OXCT1: variants seen among roughly 807,000 people sequenced by gnomAD.
OXCT1 encodes the protein 3-oxoacid CoA-transferase 1.
OXCT1 carries 27 observed loss-of-function variants against 69.6 expected under a neutral mutation model. That is an observed-to-expected ratio of 0.39 (90% confidence interval 0.29 to 0.54). The LOEUF (loss-of-function observed/expected upper bound fraction) is 0.54, where lower values mean the gene tolerates loss of function less well. Among genes scored for constraint, OXCT1 ranks in the 20% least tolerant of loss-of-function variants. The pLI, the probability that OXCT1 is intolerant of heterozygous loss-of-function variation, is 0.72. For synonymous variants in OXCT1, 202 were observed against 217.8 expected (o/e 0.93, Z 0.64); for missense variants, 437 against 650.2 (o/e 0.67, Z 3.57).
Position 41,870,292 on chromosome 5 carries a change from T to C in OXCT1, c.67A>G (p.Thr23Ala), listed in dbSNP as rs1750229432. ...CCCCCGCACTTTACCTTGTACCAGGTTGCCCCAGATCCGCGGGCAGAGGCG... is the reference window on the plus strand; with the variant it reads ...CCCCCGCACTTTACCTTGTACCAGGCTGCCCCAGATCCGCGGGCAGAGGCG... ...LCASARGSGATWYKGCVCSFS... is the reference protein window; with the variant it reads ...LCASARGSGAAWYKGCVCSFS... The change falls in exon 1 of 17, where the codon ACC becomes GCC. Residue 23 changes from threonine (T) to alanine (A), a missense_variant. Transcript: ENST00000196371. The surrounding 1 kb of genome is among the most constrained non-coding windows in gnomAD (Gnocchi z 4.2). 2 of 1,613,474 alleles carry C rather than the reference T, an allele frequency of 1.2e-6. No homozygotes were observed. Among genetic ancestry groups the C allele is most frequent in the Non-Finnish European group, 8.5e-7 (1 of 1,179,534 alleles).
chr5:41,738,873 A>T (rs1357319202), intron 16 of OXCT1, among the ~76,000 whole-genome samples: 2 of 152,224 alleles, frequency 1.3e-5, no homozygotes, highest in Non-Finnish European at 2.9e-5. Flanking sequence ...CTTATCTTCA[A>T]ATACAGGGCA....
chr5:41,753,037 A>C (rs1221040437), intron 14 of OXCT1, among the ~76,000 whole-genome samples: 1 of 152,118 alleles, frequency 6.6e-6, no homozygotes. Context: ...TAAGTTCTGC[A>C]GTATTAAACA....
In OXCT1 at chr5:41,806,005, T is replaced by A. The variant is rs868087494; in HGVS notation, c.841-324A>T. ...AAATTCTCCTCTGGTGCTCAGGGAT[T>A]GGCCAGAAGAATGAAAGAGGAACAG... On this transcript the variant is annotated intron_variant, in intron 8 of 16. Coordinates refer to ENST00000196371, the MANE Select transcript of OXCT1 (RefSeq NM_000436.4). Among the ~76,000 whole-genome samples the A allele has an allele frequency of 1.6e-4, 24 of 152,216 alleles. 1 individual carries two copies. In the South Asian group the frequency reaches 4.1e-3, roughly 26 times the overall value.
intron 14 of OXCT1, among the ~76,000 whole-genome samples, chr5:41,752,877 T>C (rs1743863973): frequency 6.6e-6 from 1 of 152,116 alleles, no homozygotes; most frequent in Non-Finnish European, 1.5e-5. Flanking sequence ...GCTTCCCTAA[T>C]CTTTCTCTTT....
rs188318214 is a variant in OXCT1 at position 41,737,864 on chromosome 5, G to C, written c.1521+1526C>G. ...AGGTCAGGAGATCGAGACCATCCTGGCTAGCACGGTGAAACCCCATCTCTA... is the reference window on the plus strand; with the variant it reads ...AGGTCAGGAGATCGAGACCATCCTGCCTAGCACGGTGAAACCCCATCTCTA... On this transcript the variant is annotated intron_variant, in intron 16 of 16. Coordinates refer to ENST00000196371, the MANE Select transcript of OXCT1 (RefSeq NM_000436.4). 2.5e-3 allele frequency among the ~76,000 whole-genome samples: 377 copies of C among 152,334 alleles called. 1 individual carries two copies. Among genetic ancestry groups the C allele is most frequent in the African/African-American group, 8.6e-3 (356 of 41,562 alleles).
At chr5:41,761,766 T>C (rs1002220637) in intron 14 of OXCT1, among the ~76,000 whole-genome samples, 6 of 152,130 alleles carry the variant, frequency 3.9e-5, no homozygotes, top group African/African-American at 1.4e-4. Context: ...ACTATAATCA[T>C]CTTAAAACCT....
rs190417416 is a variant in OXCT1 at position 41,801,150 on chromosome 5, T to A, written c.1051-80A>T. The A allele has an allele frequency of 2.7e-6, 3 of 1,117,326 alleles. No homozygotes were observed. The East Asian group carries it at 7.3e-5, about 27-fold the overall frequency. The allele number at this position is 1,117,326 out of a possible 1,614,324, so 69.2% of individuals were successfully genotyped here. Reference sequence around the variant, plus strand: ...TATTAGAACTATAATATAAATAACTTCCCTAAAAACCCTATAAATTTATCA... The same window carrying A: ...TATTAGAACTATAATATAAATAACTACCCTAAAAACCCTATAAATTTATCA... On this transcript the variant is annotated intron_variant, in intron 10 of 16. Transcript: ENST00000196371.
chr5:41,777,241 C>A (rs956298736), intron 13 of OXCT1, among the ~76,000 whole-genome samples: 1 of 152,114 alleles, frequency 6.6e-6, no homozygotes, highest in Non-Finnish European at 1.5e-5. Context: ...CATGGTCAAA[C>A]CCCGTCCCTA....
At chr5:41,746,263 A>T (rs1477149487) in intron 15 of OXCT1, among the ~76,000 whole-genome samples, 1 of 152,162 alleles carries the variant, frequency 6.6e-6, no homozygotes, top group African/African-American at 2.4e-5. Context: ...AAATCAATAA[A>T]TGTAATCCAG....
intron 7 of OXCT1, among the ~76,000 whole-genome samples, chr5:41,817,728 T>C (rs904813353): frequency 2.0e-5 from 3 of 152,212 alleles, no homozygotes; most frequent in South Asian, 4.1e-4. Flanking sequence ...GTAACTACCA[T>C]ATGGCTTATT....
Position 41,831,770 on chromosome 5 carries a change from A to G in OXCT1, c.732+8681T>C, listed in dbSNP as rs75929429. Reference sequence around the variant, plus strand: ...TTGGAGCTAAGGTGTTGGGCTCAGGAAGGTACATTATACTCCTCTGCTTAC... The same window carrying G: ...TTGGAGCTAAGGTGTTGGGCTCAGGGAGGTACATTATACTCCTCTGCTTAC... On this transcript the variant is annotated intron_variant, in intron 7 of 16. Coordinates refer to ENST00000196371, the MANE Select transcript of OXCT1 (RefSeq NM_000436.4). 9.7e-3 allele frequency among the ~76,000 whole-genome samples: 1,477 copies of G among 152,270 alleles called. 23 individuals carry two copies. The highest frequency in any genetic ancestry group is 0.03 in the African/African-American group (1,254 of 41,550).
intron 11 of OXCT1, among the ~76,000 whole-genome samples, chr5:41,800,494 A>G (rs1746371788): frequency 6.6e-6 from 1 of 150,914 alleles, no homozygotes; most frequent in African/African-American, 2.4e-5. Flanking sequence ...AGCAGAGGAC[A>G]CTCTCCACCC....
At chr5:41,744,150 T>C (rs557257870) in intron 15 of OXCT1, among the ~76,000 whole-genome samples, 37 of 152,308 alleles carry the variant, frequency 2.4e-4, no homozygotes, top group African/African-American at 8.4e-4. Context: ...TCCTCTTCTA[T>C]TTCATTGAGC....
intron 7 of OXCT1, among the ~76,000 whole-genome samples, chr5:41,812,126 G>A (rs974348779): frequency 3.6e-4 from 54 of 151,970 alleles, no homozygotes; most frequent in African/African-American, 1.3e-3. Context: ...CAAGATTCAG[G>A]ACCTCTAACG....
At chr5:41,827,335 A>G (rs1215084519) in intron 7 of OXCT1, among the ~76,000 whole-genome samples, 1 of 152,168 alleles carries the variant, frequency 6.6e-6, no homozygotes, top group Non-Finnish European at 1.5e-5. Context: ...AAGTCTTCCA[A>G]GTGTCCTTTA....
At chr5:41,853,251 A>G (rs1001004217) in intron 4 of OXCT1, among the ~76,000 whole-genome samples, 168 bp downstream of exon 4, 2 of 152,212 alleles carry the variant, frequency 1.3e-5, no homozygotes, top group Admixed American at 6.5e-5. Context: ...AGTAGAAGAA[A>G]ATATTAATCC....
At chr5:41,806,744 GCCAAACAAACTT>G (rs1467435727) in intron 8 of OXCT1, among the ~76,000 whole-genome samples, 1 of 152,032 alleles carries the variant, frequency 6.6e-6, no homozygotes, top group Non-Finnish European at 1.5e-5. Context: ...AGAAGTGTGA[GCCAAACAAACTT>G]CTTTATAAAT....
chr5:41,862,535 A>G (rs1749784140), intron 2 of OXCT1, 107 bp downstream of exon 2: 5 of 682,238 alleles, frequency 7.3e-6, no homozygotes, highest in Admixed American at 2.2e-5. Flanking sequence ...TAAATAATGC[A>G]TAATAAAATA....
At chr5:41,860,039 A>G (rs1363575031) in intron 3 of OXCT1, among the ~76,000 whole-genome samples, 1 of 151,730 alleles carries the variant, frequency 6.6e-6, no homozygotes, top group African/African-American at 2.4e-5. Context: ...TATAAGCATA[A>G]AGCTATCTGG....
Sources: allele counts gnomAD v4.1 joint callset (sites outside exome capture counted in the v4.1 genomes callset), GRCh38; gene constraint gnomAD v4.1.1; non-coding constraint Gnocchi (gnomAD v3.1); transcripts MANE v1.5; gene names NCBI Gene and HGNC (gene_info 2026-07-23, HGNC 2026-07-21).